APBA1: variants seen among roughly 807,000 people sequenced by gnomAD.
The protein encoded by APBA1 is amyloid beta precursor protein binding family A member 1.
A neutral mutation model predicts 86.6 loss-of-function variants in APBA1; 55 were observed. That is an observed-to-expected ratio of 0.64 (90% CI 0.51 to 0.80). APBA1 has a LOEUF of 0.80. Ranked by LOEUF, APBA1 falls within the 30% of genes least tolerant of loss-of-function variation. The pLI, the probability that APBA1 is intolerant of heterozygous loss-of-function variation, is 0.00. For synonymous variants in APBA1, 511 were observed against 493.9 expected, an observed-to-expected ratio of 1.03 and a Z score of -0.46; for missense variants, 1,090 against 1,183.0, an observed-to-expected ratio of 0.92 and a Z score of 1.15.
intron 1 of APBA1, among the ~76,000 whole-genome samples, chr9:69,622,713 C>T (rs934244508): frequency 3.3e-5 from 5 of 152,130 alleles, no homozygotes; most frequent in African/African-American, 1.2e-4. Context: ...ATTGCAGCCT[C>T]GGGCCTTGCA....
chr9:69,631,493 T>C (rs1397967482), intron 1 of APBA1, among the ~76,000 whole-genome samples: 1 of 152,224 alleles, frequency 6.6e-6, no homozygotes, highest in Non-Finnish European at 1.5e-5. Flanking sequence ...TGGAAGACAG[T>C]GTGGCGATTC....
chr9:69,629,742 GT>G (rs904443085), intron 1 of APBA1, among the ~76,000 whole-genome samples: 1 of 152,174 alleles, frequency 6.6e-6, no homozygotes, highest in Non-Finnish European at 1.5e-5. Flanking sequence ...TAGTGCTGGG[GT>G]TACCCCAGTA....
At chr9:69,633,196 G>A (rs1202594425) in intron 1 of APBA1, among the ~76,000 whole-genome samples, 2 of 151,174 alleles carry the variant, frequency 1.3e-5, no homozygotes, top group East Asian at 1.9e-4. Flanking sequence ...TAGGGTTAAA[G>A]CTCCCCACTG....
In APBA1 at chr9:69,467,858, T is replaced by C. The variant is rs760596363; in HGVS notation, c.1447A>G (p.Met483Val). 3.7e-6 allele frequency: 6 copies of C among 1,614,058 alleles called. No homozygotes were observed. The highest frequency in any genetic ancestry group is 1.3e-5 in the African/African-American group (1 of 74,924). The change falls in exon 5 of 13, where the codon ATG (methionine) becomes GTG (valine). Residue 483 changes from methionine to valine, a missense_variant. Met to Val is a conservative substitution (Grantham distance 21, BLOSUM62 1). This residue lies in a region of APBA1 where 76 missense variants were observed against 122.2 expected (regional missense o/e 0.62). Transcript: ENST00000265381. ...SDKTPSKNVR[M>V]MQAQEAVSRI... ...CTTACGGCTTCCTGGGCCTGCATCA[T>C]GCGCACGTTTTTGGAAGGAGTTTTG...
At chr9:69,496,504 G>C (rs544595133) in intron 2 of APBA1, among the ~76,000 whole-genome samples, 1 of 152,126 alleles carries the variant, frequency 6.6e-6, no homozygotes, top group South Asian at 2.1e-4. Context: ...GTGGGAAACG[G>C]GGCCAGAGAG....
chr9:69,590,773 C>G (rs1822113610), intron 1 of APBA1, among the ~76,000 whole-genome samples: 1 of 152,172 alleles, frequency 6.6e-6, no homozygotes, highest in African/African-American at 2.4e-5. Flanking sequence ...TCACTCCCAG[C>G]TTCGCCAGGG....
chr9:69,502,586 T>C (rs1835895643), intron 2 of APBA1, among the ~76,000 whole-genome samples: 1 of 152,090 alleles, frequency 6.6e-6, no homozygotes, highest in African/African-American at 2.4e-5. Flanking sequence ...GTTGTTGTTA[T>C]TGACAACTAA....
intron 9 of APBA1, among the ~76,000 whole-genome samples, chr9:69,451,077 C>T (rs989017237): frequency 1.3e-5 from 2 of 152,228 alleles, no homozygotes; most frequent in African/African-American, 4.8e-5. Flanking sequence ...CTAGTAAATT[C>T]ATATACCCCC....
intron 2 of APBA1, among the ~76,000 whole-genome samples, chr9:69,500,907 A>G (rs991102118): frequency 1.3e-5 from 2 of 152,126 alleles, no homozygotes; most frequent in Non-Finnish European, 2.9e-5. Context: ...TTTTCATTTT[A>G]AAGATGATCA....
chr9:69,530,278 A>T (rs1264915838), intron 1 of APBA1, among the ~76,000 whole-genome samples: 1 of 149,300 alleles, frequency 6.7e-6, no homozygotes, highest in South Asian at 2.2e-4. Context: ...TCAATGGTTG[A>T]CTGGATTAAG....
intron 11 of APBA1, among the ~76,000 whole-genome samples, chr9:69,433,662 C>A (rs1188677336): frequency 6.6e-6 from 1 of 152,122 alleles, no homozygotes; most frequent in Non-Finnish European, 1.5e-5. Context: ...AAGAGTCACC[C>A]TAGATCCTCT....
intron 9 of APBA1, 28 bp from the exon 10 acceptor site, chr9:69,449,824 C>T: frequency 6.3e-7 from 1 of 1,596,286 alleles, no homozygotes; most frequent in Non-Finnish European, 8.6e-7. Context: ...TTTAGAAAAC[C>T]TCCATCAGTG....
chr9:69,493,707 T>G (rs1468059422), intron 2 of APBA1, among the ~76,000 whole-genome samples: 1 of 152,080 alleles, frequency 6.6e-6, no homozygotes, highest in African/African-American at 2.4e-5. Flanking sequence ...ATAAATATGT[T>G]GAATAAATGG....
chr9:69,530,881 C>A (rs927312858), intron 1 of APBA1, among the ~76,000 whole-genome samples: 2 of 152,188 alleles, frequency 1.3e-5, no homozygotes, highest in African/African-American at 2.4e-5. Flanking sequence ...GGTTGCCCCT[C>A]TATCCTACAT....
chr9:69,616,202 T>C (rs866961710), intron 1 of APBA1, among the ~76,000 whole-genome samples: 6 of 152,188 alleles, frequency 3.9e-5, no homozygotes, highest in Non-Finnish European at 8.8e-5. Flanking sequence ...AACCCAATCA[T>C]AGAATACCAG....
chr9:69,528,303 C>A (rs1588342850), intron 1 of APBA1, among the ~76,000 whole-genome samples: 1 of 152,100 alleles, frequency 6.6e-6, no homozygotes, highest in African/African-American at 2.4e-5. Flanking sequence ...AACCACAAAG[C>A]TCTGATCACA....
In APBA1 at chr9:69,430,974, T is replaced by G; in HGVS notation, c.*353A>C. On this transcript the variant is annotated 3_prime_UTR_variant, in exon 13 of 13. Coordinates refer to ENST00000265381, the MANE Select transcript of APBA1 (RefSeq NM_001163.4). Reference sequence around the variant, plus strand: ...CTGCTTTGCTGCCCCGCGAGCTCCTTTTAAGAAGTCTGCACCTCCTGGGAA... The same window carrying G: ...CTGCTTTGCTGCCCCGCGAGCTCCTGTTAAGAAGTCTGCACCTCCTGGGAA... The G allele has an allele frequency of 9.3e-6, 2 of 215,604 alleles. No individual in the cohort carries two copies. The highest frequency in any genetic ancestry group is 9.1e-6 in the Non-Finnish European group (1 of 109,294). 13.4% of individuals were successfully genotyped at this position (215,604 alleles called of 1,614,324 possible). A position where few individuals can be genotyped will look rare whatever the true frequency, so the allele number is the denominator to read the frequency against.
In APBA1 at chr9:69,429,623, T is replaced by A. The variant is rs1193144180; in HGVS notation, c.*1704A>T. 4 of 152,262 alleles carry A rather than the reference T, an allele frequency of 2.6e-5. No homozygotes were observed. In the East Asian group the frequency reaches 7.7e-4, roughly 29 times the overall value. 9.4% of individuals were successfully genotyped at this position (152,262 alleles called of 1,614,324 possible). Reference sequence around the variant, plus strand: ...GCAGAAAACTCAGAAGATGCAGAGATCTCGGGGAATTGATCACAGAACTCT... The same window carrying A: ...GCAGAAAACTCAGAAGATGCAGAGAACTCGGGGAATTGATCACAGAACTCT... On this transcript the variant is annotated 3_prime_UTR_variant, in exon 13 of 13. Transcript: ENST00000265381.
At chr9:69,598,708 T>C (rs898848105) in intron 1 of APBA1, among the ~76,000 whole-genome samples, 1 of 151,992 alleles carries the variant, frequency 6.6e-6, no homozygotes, top group Non-Finnish European at 1.5e-5. Context: ...AAGGTTCTTG[T>C]AGGAATAGGA....
Sources: allele counts gnomAD v4.1 joint callset (sites outside exome capture counted in the v4.1 genomes callset), GRCh38; gene constraint gnomAD v4.1.1; regional missense constraint gnomAD v4.1.1; transcripts MANE v1.5; gene names NCBI Gene and HGNC (gene_info 2026-07-23, HGNC 2026-07-21).